EPHA5: variants seen among roughly 807,000 people sequenced by gnomAD.
EPHA5 encodes the protein ephrin type-A receptor 5.
A neutral mutation model predicts 105.0 loss-of-function variants in EPHA5; 60 were observed. That is an observed-to-expected ratio of 0.57 (90% confidence interval 0.46 to 0.71). EPHA5 has a LOEUF of 0.71. Ranked by LOEUF, EPHA5 falls within the 30% of genes least tolerant of loss-of-function variation. EPHA5 has a pLI of 0.00. For missense variants in EPHA5, 1,218 were observed against 1,274.7 expected, an observed-to-expected ratio of 0.96 and a Z score of 0.68; for synonymous variants, 513 against 449.1, an observed-to-expected ratio of 1.14 and a Z score of -1.80.
At position 65,495,055 on chromosome 4, in the gene EPHA5, T is replaced by C. The variant is rs547168063; in HGVS notation, c.1066+333A>G. 7.9e-5 allele frequency among the ~76,000 whole-genome samples: 12 copies of C among 152,178 alleles called. No homozygotes were observed. In the East Asian group the frequency reaches 2.3e-3, roughly 29 times the overall value. On this transcript the variant is annotated intron_variant, in intron 4 of 16. Transcript: ENST00000613740. ...AGGAGGAAGGAAGAAGAGGTTTTAA[T>C]GTAAACTGGGAAGTAGATTATCAAA...
chr4:65,477,330 G>C, intron 5 of EPHA5, among the ~76,000 whole-genome samples: 1 of 152,124 alleles, frequency 6.6e-6, no homozygotes. Flanking sequence ...TCTAGTATAA[G>C]AATTGGTTTA....
intron 5 of EPHA5, among the ~76,000 whole-genome samples, chr4:65,448,249 T>C (rs1023281802): frequency 4.0e-5 from 6 of 150,102 alleles, no homozygotes; most frequent in African/African-American, 1.5e-4. Context: ...AAGCAAAGAA[T>C]AGTCAAAACA....
At chr4:65,539,780 A>T (rs893689822) in intron 3 of EPHA5, among the ~76,000 whole-genome samples, 1 of 151,638 alleles carries the variant, frequency 6.6e-6, no homozygotes, top group African/African-American at 2.4e-5. Flanking sequence ...TATTGCTGTT[A>T]CTATGAGTAA....
intron 1 of EPHA5, among the ~76,000 whole-genome samples, chr4:65,644,065 T>G (rs1362605443): frequency 6.6e-6 from 1 of 152,086 alleles, no homozygotes; most frequent in Non-Finnish European, 1.5e-5. Context: ...TATCTTCTTC[T>G]TAGATATGAC....
intron 3 of EPHA5, among the ~76,000 whole-genome samples, chr4:65,506,382 G>A (rs900902945): frequency 4.1e-5 from 6 of 146,444 alleles, no homozygotes; most frequent in Non-Finnish European, 7.6e-5. Flanking sequence ...GGATGGCTGG[G>A]TCAAATGGTA....
At chr4:65,542,769 G>GA (rs59298185) in intron 3 of EPHA5, among the ~76,000 whole-genome samples, 129,796 of 149,780 alleles carry the variant, frequency 0.87, 56,277 homozygotes, top group Admixed American at 0.9. Context: ...ACACAACAAA[G>GA]AAAAAAAAAA....
intron 5 of EPHA5, among the ~76,000 whole-genome samples, chr4:65,471,557 G>C (rs1191581229): frequency 6.6e-6 from 1 of 152,148 alleles, no homozygotes; most frequent in South Asian, 2.1e-4. Context: ...ATAAACAAAA[G>C]AGGCTTAATT....
intron 5 of EPHA5, among the ~76,000 whole-genome samples, chr4:65,462,820 C>A (rs1728253889): frequency 1.3e-5 from 2 of 152,128 alleles, no homozygotes; most frequent in African/African-American, 4.8e-5. Context: ...AGACTCTAAC[C>A]TCATGATGAA....
intron 5 of EPHA5, among the ~76,000 whole-genome samples, chr4:65,454,318 C>T (rs1727365423): frequency 6.6e-6 from 1 of 151,614 alleles, no homozygotes; most frequent in African/African-American, 2.4e-5. Flanking sequence ...ATAATATGAA[C>T]AGTGTTGGTC....
chr4:65,613,373 A>T (rs13101972), intron 2 of EPHA5, among the ~76,000 whole-genome samples: 46,188 of 151,910 alleles, frequency 0.3, 7,176 homozygotes, highest in Non-Finnish European at 0.33. Flanking sequence ...TTGAGAGGTC[A>T]TATAAACTAT....
intron 3 of EPHA5, among the ~76,000 whole-genome samples, chr4:65,536,474 T>A (rs185536981): frequency 6.6e-6 from 1 of 151,976 alleles, no homozygotes; most frequent in Admixed American, 6.6e-5. Context: ...ATTAATTGTG[T>A]GAAACAAAAT....
intron 1 of EPHA5, among the ~76,000 whole-genome samples, chr4:65,643,854 A>G (rs1027337526): frequency 1.3e-5 from 2 of 152,074 alleles, no homozygotes; most frequent in Non-Finnish European, 2.9e-5. Flanking sequence ...GCTGTTATGC[A>G]GCAATTAACA....
At position 65,332,124 on chromosome 4, in the gene EPHA5, A is replaced by T; in HGVS notation, c.2794T>A (p.Ser932Thr). The T allele has an allele frequency of 6.3e-7, 1 of 1,596,454 alleles. No homozygotes were observed. The highest frequency in any genetic ancestry group is 8.5e-7 in the Non-Finnish European group (1 of 1,172,658). The stretch of plus-strand genomic sequence containing the variant: ...GGGCTATGTTCTGCCAATAAATTAG[A>T]TACTCTAAAACACATAAAACATAAA... Reference protein sequence around the residue: ...KTLVNASCRVSNLLAEHSPLG... With the variant: ...KTLVNASCRVTNLLAEHSPLG... The change falls in exon 16 of 17, where the codon TCT (serine) becomes ACT (threonine). Residue 932 changes from serine to threonine, a missense_variant. Transcript: ENST00000613740.
At chr4:65,601,535 A>C in intron 3 of EPHA5, 106 bp downstream of exon 3, 1 of 1,137,392 alleles carries the variant, frequency 8.8e-7, no homozygotes, top group East Asian at 2.4e-5. Flanking sequence ...TAATCTCCAT[A>C]AATTAGCAAA....
chr4:65,474,821 T>C (rs1490890186), intron 5 of EPHA5, among the ~76,000 whole-genome samples: 1 of 152,220 alleles, frequency 6.6e-6, no homozygotes, highest in Non-Finnish European at 1.5e-5. Context: ...CTTTACTCAT[T>C]TCATTTTATG....
In EPHA5 at chr4:65,570,643, A is replaced by G. The variant is rs145392637; in HGVS notation, c.910+30998T>C. Among the ~76,000 whole-genome samples, 132 of 152,064 alleles carry G rather than the reference A, an allele frequency of 8.7e-4. 1 individual carries two copies. The highest frequency in any genetic ancestry group is 2.9e-3 in the African/African-American group (122 of 41,536). On this transcript the variant is annotated intron_variant, in intron 3 of 16. Coordinates refer to ENST00000613740, the MANE Select transcript of EPHA5 (RefSeq NM_001281766.3). The stretch of plus-strand genomic sequence containing the variant: ...GATGAAGAGCAGTGAAAGTAGAGAG[A>G]TGACTCTTTCAGGTGGAAGTATAGC...
chr4:65,571,638 C>T (rs1288020371), intron 3 of EPHA5, among the ~76,000 whole-genome samples: 1 of 151,964 alleles, frequency 6.6e-6, no homozygotes, highest in Non-Finnish European at 1.5e-5. Flanking sequence ...TACTGTGGCA[C>T]CCACAAGAAC....
chr4:65,338,408 A>G (rs887745598), intron 14 of EPHA5, among the ~76,000 whole-genome samples: 3 of 152,048 alleles, frequency 2.0e-5, no homozygotes, highest in African/African-American at 4.8e-5. Flanking sequence ...AACATGGTTT[A>G]TTTCATAATT....
chr4:65,444,269 TATCCTTAA>T (rs1726301377), intron 5 of EPHA5, among the ~76,000 whole-genome samples: 1 of 152,220 alleles, frequency 6.6e-6, no homozygotes, highest in Non-Finnish European at 1.5e-5. Flanking sequence ...AGATAATATC[TATCCTTAA>T]GTTGTTATAA....
Sources: allele counts gnomAD v4.1 joint callset (sites outside exome capture counted in the v4.1 genomes callset), GRCh38; gene constraint gnomAD v4.1.1; transcripts MANE v1.5; gene names NCBI Gene and HGNC (gene_info 2026-07-23, HGNC 2026-07-21).